Variants in TMEM108 observed in about 807,000 individuals in gnomAD.
TMEM108 encodes cancer/testis antigen 124.
Under a neutral mutation model 35.1 loss-of-function variants are expected in TMEM108, and 12 were observed. The ratio of observed to expected loss-of-function variants is 0.34; its 90% confidence interval spans 0.22 to 0.55. TMEM108 has a LOEUF of 0.55. TMEM108 is among the 20% of genes least tolerant of loss of function. The pLI, the probability that TMEM108 is intolerant of heterozygous loss-of-function variation, is 0.89. For synonymous variants in TMEM108, 287 were observed against 308.6 expected, an observed-to-expected ratio of 0.93 and a Z score of 0.73; for missense variants, 680 against 753.3, an observed-to-expected ratio of 0.90 and a Z score of 1.14.
At chr3:133,290,527 A>G (rs1947048798) in intron 3 of TMEM108, among the ~76,000 whole-genome samples, 1 of 152,170 alleles carries the variant, frequency 6.6e-6, no homozygotes, top group Non-Finnish European at 1.5e-5. Flanking sequence ...AGGCTGAGGC[A>G]GGAGAATCAC....
At chr3:133,299,012 A>C (rs116024349) in intron 3 of TMEM108, among the ~76,000 whole-genome samples, 2 of 152,132 alleles carry the variant, frequency 1.3e-5, no homozygotes, top group African/African-American at 4.8e-5. Flanking sequence ...ATGAATTCCC[A>C]TTGGGGAAAT....
At chr3:133,389,458 CG>C (rs1162908671) in intron 4 of TMEM108, 1 of 934,214 alleles carries the variant, frequency 1.1e-6, no homozygotes, top group Non-Finnish European at 1.3e-6. Context: ...CTGAGGCAGG[CG>C]GATTACCTGA....
intron 2 of TMEM108, among the ~76,000 whole-genome samples, chr3:133,189,538 A>G (rs1945469390): frequency 6.6e-6 from 1 of 152,222 alleles, no homozygotes; most frequent in Non-Finnish European, 1.5e-5. Flanking sequence ...GGGCTTCAGG[A>G]TGACCAGAAG....
chr3:133,174,894 T>A (rs1011797867), intron 2 of TMEM108, among the ~76,000 whole-genome samples: 2 of 151,912 alleles, frequency 1.3e-5, no homozygotes, highest in Admixed American at 6.6e-5. Flanking sequence ...AAGGAGGAAG[T>A]TTGAACCCAT....
chr3:133,300,902 C>T (rs1947213056), intron 3 of TMEM108, among the ~76,000 whole-genome samples: 1 of 150,840 alleles, frequency 6.6e-6, no homozygotes, highest in Admixed American at 6.6e-5. Flanking sequence ...CAACCCCTAC[C>T]CAGATGCAGA....
At chr3:133,373,291 G>A (rs549702958) in intron 3 of TMEM108, among the ~76,000 whole-genome samples, 29 of 150,594 alleles carry the variant, frequency 1.9e-4, no homozygotes, top group African/African-American at 6.9e-4. Context: ...CAAGGCTGCA[G>A]TGAGCTGTGA....
intron 3 of TMEM108, among the ~76,000 whole-genome samples, chr3:133,271,754 C>T: frequency 6.6e-6 from 1 of 152,148 alleles, no homozygotes; most frequent in Non-Finnish European, 1.5e-5. Flanking sequence ...GCCAGCCCCA[C>T]CTAGAAGCAC....
intron 2 of TMEM108, among the ~76,000 whole-genome samples, chr3:133,127,407 T>C (rs1177605244): frequency 3.9e-5 from 6 of 152,218 alleles, no homozygotes; most frequent in Non-Finnish European, 5.9e-5. Flanking sequence ...ATGTCTCAGA[T>C]TGGAAGACCT....
At chr3:133,282,593 C>G (rs74802180) in intron 3 of TMEM108, among the ~76,000 whole-genome samples, 6,673 of 152,262 alleles carry the variant, frequency 0.044, 185 homozygotes, top group Non-Finnish European at 0.064. Context: ...AGGTGGTACC[C>G]AAGAAGAATC....
intron 2 of TMEM108, among the ~76,000 whole-genome samples, chr3:133,172,669 T>G (rs1352429847): frequency 1.3e-5 from 2 of 152,242 alleles, no homozygotes; most frequent in African/African-American, 4.8e-5. Flanking sequence ...ATACACAATT[T>G]GGACCAAAAA....
chr3:133,245,824 A>G (rs796544390), intron 3 of TMEM108, among the ~76,000 whole-genome samples: 4 of 152,404 alleles, frequency 2.6e-5, no homozygotes, highest in African/African-American at 9.6e-5. Flanking sequence ...CAAATTTTCT[A>G]GTAGCCACAG....
Position 133,380,786 on chromosome 3 carries a change from C to T in TMEM108, c.1075C>T (p.Pro359Ser), listed in dbSNP as rs1013046739. ...SSGVFTAATG[P>S]TPAAFDTSVS... is the part of the protein sequence containing the mutation. ...TGGGGTCTTCACGGCTGCCACGGGG[C>T]CCACCCCAGCTGCCTTCGATACCAG... is the stretch of plus-strand genomic sequence containing the variant. Residue 359 changes from proline (P) to serine (S), a missense_variant, in exon 4 of 6, where the codon CCC (proline) becomes TCC (serine). Pro to Ser is a moderately conservative substitution (Grantham distance 74, BLOSUM62 -1). This residue lies in a region of TMEM108 where 526 missense variants were observed against 532.1 expected (regional missense o/e 0.99). Coordinates refer to ENST00000321871, the MANE Select transcript of TMEM108 (RefSeq NM_023943.4). This position sits in a 1 kb window ranked among gnomAD's most constrained non-coding sequence, Gnocchi z 5.3. The T allele has an allele frequency of 1.2e-6, 2 of 1,614,100 alleles. No homozygotes were observed. Among genetic ancestry groups the T allele is most frequent in the East Asian group, 2.2e-5 (1 of 44,886 alleles).
intron 3 of TMEM108, among the ~76,000 whole-genome samples, chr3:133,283,891 C>A (rs1161895501): frequency 2.0e-5 from 3 of 152,198 alleles, no homozygotes; most frequent in African/African-American, 7.2e-5. Context: ...AATAGCATTT[C>A]TGAACCAAGA....
At chr3:133,161,798 A>G (rs1166762981) in intron 2 of TMEM108, among the ~76,000 whole-genome samples, 1 of 151,980 alleles carries the variant, frequency 6.6e-6, no homozygotes, top group Non-Finnish European at 1.5e-5. Flanking sequence ...ACAGCATTCA[A>G]CACACATGGC....
chr3:133,194,467 C>T (rs1319413149), intron 2 of TMEM108, among the ~76,000 whole-genome samples: 2 of 152,062 alleles, frequency 1.3e-5, no homozygotes, highest in Non-Finnish European at 2.9e-5. Flanking sequence ...AAATAAGTTG[C>T]CTTTTCTGGT....
At chr3:133,342,214 T>C (rs1157643011) in intron 3 of TMEM108, among the ~76,000 whole-genome samples, 1 of 151,518 alleles carries the variant, frequency 6.6e-6, no homozygotes, top group African/African-American at 2.4e-5. Context: ...ATTTAAAAAA[T>C]GGGCAAAATA....
At chr3:133,126,839 A>G (rs1461594135) in intron 2 of TMEM108, among the ~76,000 whole-genome samples, 1 of 152,164 alleles carries the variant, frequency 6.6e-6, no homozygotes, top group Non-Finnish European at 1.5e-5. Flanking sequence ...TCATCTTTAG[A>G]TTACTTAAAA....
chr3:133,212,809 T>TA (rs1182455459), intron 2 of TMEM108, among the ~76,000 whole-genome samples: 1 of 135,460 alleles, frequency 7.4e-6, no homozygotes, highest in African/African-American at 2.8e-5. Context: ...GAGGTTGCAG[T>TA]AGGGCCGAAA....
At chr3:133,266,615 A>C (rs1279971095) in intron 3 of TMEM108, among the ~76,000 whole-genome samples, 1 of 152,156 alleles carries the variant, frequency 6.6e-6, no homozygotes, top group Non-Finnish European at 1.5e-5. Context: ...ATAGTTTTTA[A>C]ATCTCCACAG....
Sources: gnomAD v4.1 joint callset for allele counts (sites outside exome capture counted in the v4.1 genomes callset) on GRCh38, gnomAD v4.1.1 for gene constraint, gnomAD v4.1.1 regional missense constraint, Gnocchi (gnomAD v3.1) non-coding constraint, MANE v1.5 for transcripts, NCBI Gene and HGNC (gene_info 2026-07-23, HGNC 2026-07-21) for gene names.